HECW2: variants seen among roughly 807,000 people sequenced by gnomAD.
HECW2 encodes the protein E3 ubiquitin-protein ligase HECW2.
A neutral mutation model predicts 175.2 loss-of-function variants in HECW2; 61 were observed. That is an observed-to-expected ratio of 0.35 (90% confidence interval 0.28 to 0.43). HECW2 has a LOEUF of 0.43. HECW2 is among the 20% of genes least tolerant of loss of function. The pLI is 1.00. For synonymous variants in HECW2, 671 were observed against 731.0 expected (o/e 0.92, Z 1.32); for missense variants, 1,524 against 2,000.5 (o/e 0.76, Z 4.54).
intron 2 of HECW2, among the ~76,000 whole-genome samples, chr2:196,404,256 A>G (rs756639444): frequency 1.3e-5 from 2 of 152,226 alleles, no homozygotes; most frequent in African/African-American, 4.8e-5. Context: ...GTTAAAAAGC[A>G]TAATTCTCCC....
chr2:196,422,970 T>G (rs1695445906), intron 2 of HECW2, among the ~76,000 whole-genome samples: 1 of 152,234 alleles, frequency 6.6e-6, no homozygotes, highest in East Asian at 1.9e-4. Flanking sequence ...ATACTCAAAT[T>G]AAAATACTGT....
intron 2 of HECW2, among the ~76,000 whole-genome samples, chr2:196,407,919 GTCT>G (rs1176569198): frequency 4.6e-5 from 7 of 152,208 alleles, no homozygotes; most frequent in African/African-American, 1.7e-4. Context: ...TCAGAGCCAA[GTCT>G]TCTTCTCCAT....
At chr2:196,220,254 T>C in intron 25 of HECW2, 101 bp from the exon 26 acceptor site, 1 of 767,676 alleles carries the variant, frequency 1.3e-6, no homozygotes, top group Non-Finnish European at 2.3e-6. Context: ...TCAGGAATAA[T>C]ATGTGTGTAC....
chr2:196,483,425 C>T (rs1559137424), intron 1 of HECW2, among the ~76,000 whole-genome samples: 1 of 152,130 alleles, frequency 6.6e-6, no homozygotes, highest in Non-Finnish European at 1.5e-5. Flanking sequence ...GAATCAATTG[C>T]CATGGAACAC....
intron 2 of HECW2, among the ~76,000 whole-genome samples, chr2:196,398,365 A>C (rs558692074): frequency 1.3e-5 from 2 of 152,252 alleles, no homozygotes; most frequent in Non-Finnish European, 2.9e-5. Flanking sequence ...TTTTAAATAA[A>C]CACATTTAAC....
intron 26 of HECW2, chr2:196,217,657 G>A (rs1036024251): frequency 6.6e-6 from 1 of 152,086 alleles, no homozygotes; most frequent in Non-Finnish European, 1.5e-5. Flanking sequence ...TAATAAAAAG[G>A]GAAAAGTGAC....
intron 28 of HECW2, among the ~76,000 whole-genome samples, chr2:196,203,678 G>A (rs369612875): frequency 2.4e-4 from 37 of 151,960 alleles, no homozygotes; most frequent in Non-Finnish European, 4.0e-4. Flanking sequence ...TCTCTTGCCC[G>A]ATTAACTTTT....
intron 1 of HECW2, among the ~76,000 whole-genome samples, chr2:196,511,966 C>T (rs971564497): frequency 2.0e-5 from 3 of 152,186 alleles, no homozygotes; most frequent in Admixed American, 2.0e-4. Flanking sequence ...GATGGTGTCC[C>T]TCACTGAGGT....
chr2:196,291,663 T>G (rs1690607862), intron 14 of HECW2: 1 of 152,180 alleles, frequency 6.6e-6, no homozygotes, highest in Non-Finnish European at 1.5e-5. Context: ...AAGAGCATGG[T>G]TCCTGGAACC....
At chr2:196,474,984 C>G (rs1208888385) in intron 1 of HECW2, among the ~76,000 whole-genome samples, 1 of 152,144 alleles carries the variant, frequency 6.6e-6, no homozygotes, top group Admixed American at 6.5e-5. Context: ...CGAGCAGCAT[C>G]GTTACAGACG....
intron 1 of HECW2, among the ~76,000 whole-genome samples, chr2:196,487,564 A>G (rs1687051554): frequency 6.6e-6 from 1 of 152,138 alleles, no homozygotes. Context: ...CTCTCCAGGG[A>G]AAGAAATTGG....
chr2:196,216,491 T>C (rs6707519), intron 27 of HECW2, among the ~76,000 whole-genome samples: 66,754 of 151,086 alleles, frequency 0.44, 17,295 homozygotes, highest in African/African-American at 0.72. Flanking sequence ...TAGCTGCAAC[T>C]GATCAGTAAT....
intron 2 of HECW2, among the ~76,000 whole-genome samples, chr2:196,375,829 T>C (rs1694036277): frequency 6.6e-6 from 1 of 152,272 alleles, no homozygotes; most frequent in Non-Finnish European, 1.5e-5. Flanking sequence ...GTTATGCAGA[T>C]ATTATGAATG....
At chr2:196,396,903 A>T (rs1232493750) in intron 2 of HECW2, among the ~76,000 whole-genome samples, 2 of 151,980 alleles carry the variant, frequency 1.3e-5, no homozygotes, top group Non-Finnish European at 2.9e-5. Flanking sequence ...CGAGGTCAGG[A>T]GATTGAGACC....
chr2:196,383,867 A>T (rs1207020116), intron 2 of HECW2, among the ~76,000 whole-genome samples: 1 of 152,236 alleles, frequency 6.6e-6, no homozygotes, highest in East Asian at 1.9e-4. Flanking sequence ...TTCACGGCAA[A>T]AGGTTAAACA....
intron 17 of HECW2, among the ~76,000 whole-genome samples, chr2:196,266,828 G>A (rs959198708): frequency 1.3e-5 from 2 of 152,120 alleles, no homozygotes; most frequent in Admixed American, 1.3e-4. Flanking sequence ...AAAATTAAGA[G>A]TAAAATTAAA....
chr2:196,458,434 A>ACT (rs1553519546), intron 1 of HECW2, among the ~76,000 whole-genome samples: 7 of 80,860 alleles, frequency 8.7e-5, no homozygotes, highest in East Asian at 6.4e-4. Flanking sequence ...CCTCTCACTC[A>ACT]CTCACACACA....
At chr2:196,338,798 C>T (rs1413813188) in intron 3 of HECW2, among the ~76,000 whole-genome samples, 1 of 152,130 alleles carries the variant, frequency 6.6e-6, no homozygotes, top group African/African-American at 2.4e-5. Flanking sequence ...TCAAGCTAAT[C>T]GTAATTTATT....
chr2:196,272,784 C>T (rs539011925), intron 16 of HECW2, among the ~76,000 whole-genome samples: 95 of 152,156 alleles, frequency 6.2e-4, no homozygotes, highest in African/African-American at 1.9e-3. Context: ...ATTATTGAAT[C>T]GGGGTTTATA....
Sources: allele counts gnomAD v4.1 joint callset (sites outside exome capture counted in the v4.1 genomes callset), GRCh38; gene constraint gnomAD v4.1.1; transcripts MANE v1.5; gene names NCBI Gene and HGNC (gene_info 2026-07-23, HGNC 2026-07-21).